The following WDR48 variants were observed in gnomAD, a reference collection of about 807,000 sequenced individuals.
WDR48 encodes the protein WD repeat domain 48.
In WDR48, 22 loss-of-function variants were observed where a neutral mutation model predicts 94.0. That is an observed-to-expected ratio of 0.23 (90% CI 0.17 to 0.33). WDR48 has a LOEUF of 0.33. Ranked by LOEUF, WDR48 falls within the 10% of genes least tolerant of loss-of-function variation. WDR48 has a pLI of 1.00. For synonymous variants in WDR48, 278 were observed against 280.5 expected, an observed-to-expected ratio of 0.99 and a Z score of 0.09; for missense variants, 541 against 813.8, an observed-to-expected ratio of 0.66 and a Z score of 4.08.
chr3:39,070,069 G>A (rs1217677657), intron 7 of WDR48, among the ~76,000 whole-genome samples: 2 of 152,160 alleles, frequency 1.3e-5, no homozygotes, highest in East Asian at 3.8e-4. Context: ...TTTTGCCAGT[G>A]TATTAAGTGG....
In WDR48 at chr3:39,091,651, T is replaced by A. The variant is rs779750728; in HGVS notation, c.1695T>A (p.Ile565=). ...VDKNMPKFNK[I]PFYLQPHASS... is the part of the protein sequence containing the mutation. ...AAAATATGCCCAAATTCAACAAAAT[T>A]CCTTTCTACCTCCAACCTCATGCAT... The change falls in exon 17 of 19, where the codon ATT becomes ATA. Residue 565 remains isoleucine (I), a synonymous_variant. Transcript: ENST00000302313. 1 of 1,606,960 alleles carries A rather than the reference T, an allele frequency of 6.2e-7. No individual in the cohort carries two copies. Among genetic ancestry groups the A allele is most frequent in the Non-Finnish European group, 8.5e-7 (1 of 1,177,846 alleles).
Position 39,091,477 on chromosome 3 carries a change from G to T in WDR48, c.1669-148G>T, listed in dbSNP as rs993351436. 1.1e-4 allele frequency: 66 copies of T among 579,490 alleles called. 1 individual carries two copies. In the East Asian group the frequency reaches 2.2e-3, roughly 20 times the overall value. 35.9% of individuals were successfully genotyped at this position (579,490 alleles called of 1,614,324 possible). On this transcript the variant is annotated intron_variant, in intron 16 of 18. Transcript: ENST00000302313. Reference sequence around the variant, plus strand: ...TGAATTTTCTCGAAGGCTGACTTAGGTAATTTGATAGCTTACTATACATTT... The same window carrying T: ...TGAATTTTCTCGAAGGCTGACTTAGTTAATTTGATAGCTTACTATACATTT...
intron 7 of WDR48, 68 bp from the exon 8 acceptor site, chr3:39,074,658 T>G: frequency 6.6e-7 from 1 of 1,516,002 alleles, no homozygotes; most frequent in Non-Finnish European, 9.1e-7. Flanking sequence ...TCGGGAGAAG[T>G]CAAGTGCAAA....
chr3:39,088,272 T>G, intron 15 of WDR48, 39 bp downstream of exon 15: 1 of 1,592,486 alleles, frequency 6.3e-7, no homozygotes, highest in Non-Finnish European at 8.6e-7. Flanking sequence ...CCTGAGAAGG[T>G]ATCCCATTTG....
rs148517213 is a variant in WDR48 at position 39,068,841 on chromosome 3, A to T, written c.552A>T (p.Val184=). 2 of 1,600,458 alleles carry T rather than the reference A, an allele frequency of 1.2e-6. No individual in the cohort carries two copies. The highest frequency in any genetic ancestry group is 8.5e-7 in the Non-Finnish European group (1 of 1,170,922). Reference sequence around the variant, plus strand: ...TGAATCAACTGGGAACAATCATTGTATCAGGGTCCACTGAAAAGGTAAGGA... The same window carrying T: ...TGAATCAACTGGGAACAATCATTGTTTCAGGGTCCACTGAAAAGGTAAGGA... ...LAMNQLGTII[V]SGSTEKVLRV... The change falls in exon 6 of 19, where the codon GTA becomes GTT. Residue 184 remains valine (V), a synonymous_variant. Transcript: ENST00000302313.
At chr3:39,075,760 C>T (rs1431608497) in intron 8 of WDR48, among the ~76,000 whole-genome samples, 1 of 151,122 alleles carries the variant, frequency 6.6e-6, no homozygotes, top group Non-Finnish European at 1.5e-5. Context: ...GTGATGCGAT[C>T]TCGGCTCACT....
intron 11 of WDR48, among the ~76,000 whole-genome samples, chr3:39,081,144 T>C (rs1008620953): frequency 6.6e-6 from 1 of 152,046 alleles, no homozygotes; most frequent in Non-Finnish European, 1.5e-5. Flanking sequence ...ATAGGAAAGG[T>C]TAAATAAATA....
intron 1 of WDR48, among the ~76,000 whole-genome samples, chr3:39,053,591 A>T (rs961105397): frequency 6.6e-6 from 1 of 152,230 alleles, no homozygotes. Context: ...TATAGACTCT[A>T]TGGTGGTGTA....
chr3:39,056,416 C>T (rs1430272770), intron 1 of WDR48, among the ~76,000 whole-genome samples: 2 of 152,034 alleles, frequency 1.3e-5, no homozygotes, highest in Non-Finnish European at 2.9e-5. Flanking sequence ...AGAAAATTTC[C>T]CGGAGCTTAA....
At chr3:39,052,324 C>G in intron 1 of WDR48, 1 of 498,776 alleles carries the variant, frequency 2.0e-6, no homozygotes, top group South Asian at 2.2e-5. Flanking sequence ...GATTGCTTGT[C>G]GCCGCTCTTC....
intron 7 of WDR48, among the ~76,000 whole-genome samples, chr3:39,072,099 C>T (rs1473511400): frequency 6.6e-6 from 1 of 152,166 alleles, no homozygotes; most frequent in East Asian, 1.9e-4. Context: ...AGATACATAT[C>T]TTATAGGCCA....
chr3:39,073,985 G>A (rs2034080247), intron 7 of WDR48, among the ~76,000 whole-genome samples: 1 of 152,190 alleles, frequency 6.6e-6, no homozygotes, highest in South Asian at 2.1e-4. Context: ...ATCACCTGGA[G>A]AGCCTGTTAA....
In WDR48 at chr3:39,052,303, TCTGAGCCCGGGATTG is replaced by T. The variant is rs1400846315; in HGVS notation, c.48+233_48+247del. On this transcript the variant is annotated intron_variant, in intron 1 of 18. Coordinates refer to ENST00000302313, the MANE Select transcript of WDR48 (RefSeq NM_020839.4). Reference sequence around the variant, plus strand: ...GGCCCGGGACCCTCGTGGGCGGCATTCTGAGCCCGGGATTGCTTGTCGCCGCTCTTCTGTAGGAGT... The same window carrying T: ...GGCCCGGGACCCTCGTGGGCGGCATTCTTGTCGCCGCTCTTCTGTAGGAGT... 17 of 538,742 alleles carry T rather than the reference TCTGAGCCCGGGATTG, an allele frequency of 3.2e-5. No homozygotes were observed. In the South Asian group the frequency reaches 3.7e-4, roughly 12 times the overall value. 33.4% of individuals were successfully genotyped at this position (538,742 alleles called of 1,614,324 possible). A position where few individuals can be genotyped will look rare whatever the true frequency, so the allele number is the denominator to read the frequency against.
intron 11 of WDR48, among the ~76,000 whole-genome samples, 174 bp from the exon 12 acceptor site, chr3:39,083,981 A>T (rs1439637281): frequency 6.6e-6 from 1 of 152,268 alleles, no homozygotes; most frequent in Non-Finnish European, 1.5e-5. Context: ...TTTAATTTAA[A>T]TTTTTTATAG....
At chr3:39,067,002 A>G (rs2033647221) in intron 5 of WDR48, 127 bp downstream of exon 5, 4 of 1,137,158 alleles carry the variant, frequency 3.5e-6, no homozygotes, top group South Asian at 1.5e-5. Context: ...GCTTCTACCT[A>G]CAGCGTTCTG....
At chr3:39,064,330 G>A (rs573983006) in intron 2 of WDR48, among the ~76,000 whole-genome samples, 1 of 150,036 alleles carries the variant, frequency 6.7e-6, no homozygotes, top group African/African-American at 2.5e-5. Context: ...CTGGAGTGCA[G>A]TGGCGCGATC....
chr3:39,075,190 C>CTTTT (rs11353487), intron 8 of WDR48, among the ~76,000 whole-genome samples: 1 of 110,492 alleles, frequency 9.1e-6, no homozygotes, highest in Non-Finnish European at 1.8e-5. Context: ...TTGTGTTTTG[C>CTTTT]TTTTTTTTTT....
chr3:39,071,307 T>G (rs944446875), intron 7 of WDR48, among the ~76,000 whole-genome samples: 1 of 152,226 alleles, frequency 6.6e-6, no homozygotes, highest in Non-Finnish European at 1.5e-5. Flanking sequence ...GCTCTCAAGT[T>G]CCTTTGTGGC....
rs1395646166 is a variant in WDR48, at chr3:39,074,920, A to G, written c.867A>G (p.Leu289=). ...TAAGAAACCCTGACATTCGGGTGCT[A>G]ATTTGTGAAGAAAAAGCACCAGTTC... ...TDLRNPDIRV[L]ICEEKAPVLK... The change falls in exon 8 of 19, where the codon CTA becomes CTG. Residue 289 remains leucine, a synonymous_variant. Coordinates refer to ENST00000302313, the MANE Select transcript of WDR48 (RefSeq NM_020839.4). 4 of 1,614,190 alleles carry G rather than the reference A, an allele frequency of 2.5e-6. No homozygotes were observed. The highest frequency in any genetic ancestry group is 3.4e-6 in the Non-Finnish European group (4 of 1,180,018).
Sources: allele counts gnomAD v4.1 joint callset (sites outside exome capture counted in the v4.1 genomes callset), GRCh38; gene constraint gnomAD v4.1.1; transcripts MANE v1.5; gene names NCBI Gene and HGNC (gene_info 2026-07-23, HGNC 2026-07-21).